KLHL3: variants seen among roughly 807,000 people sequenced by gnomAD.
The protein encoded by KLHL3 is kelch-like protein 3.
In KLHL3, 19 loss-of-function variants were observed where a neutral mutation model predicts 70.5. The ratio of observed to expected loss-of-function variants is 0.27; its 90% CI spans 0.19 to 0.40. KLHL3 has a LOEUF of 0.40. Ranked by LOEUF, KLHL3 falls within the 10% of genes least tolerant of loss-of-function variation. KLHL3 has a pLI of 1.00. For synonymous variants in KLHL3, 258 were observed against 290.3 expected (o/e 0.89, Z 1.13); for missense variants, 512 against 771.1 (o/e 0.66, Z 3.98).
chr5:137,687,028 T>G (rs1434264284), intron 5 of KLHL3, among the ~76,000 whole-genome samples: 67 of 63,724 alleles, frequency 1.1e-3, no homozygotes, highest in Non-Finnish European at 1.2e-3. Context: ...GGTGGGGGGG[T>G]CAGCCCCCCG....
Position 137,621,220 on chromosome 5 carries a change from G to GT in KLHL3, c.*877dup, listed in dbSNP as rs978561937. On this transcript the variant is annotated 3_prime_UTR_variant, in exon 15 of 15. Coordinates refer to ENST00000309755, the MANE Select transcript of KLHL3 (RefSeq NM_017415.3). Reference sequence around the variant, plus strand: ...TGAATCCTTACCACTTTGGTTTTTTGTTTTTTTCCTGTTTTTGTTTTGTTT... The same window carrying GT: ...TGAATCCTTACCACTTTGGTTTTTTGTTTTTTTTCCTGTTTTTGTTTTGTTT... The GT allele has an allele frequency of 6.5e-4, 100 of 152,778 alleles. 1 individual carries two copies. Among genetic ancestry groups the GT allele is most frequent in the Non-Finnish European group, 1.8e-4 (12 of 68,136 alleles). The allele number at this position is 152,778 out of a possible 1,614,324, so 9.5% of individuals were successfully genotyped here.
chr5:137,709,936 C>G, intron 2 of KLHL3, 80 bp from the exon 3 acceptor site: 1 of 1,127,892 alleles, frequency 8.9e-7, no homozygotes, highest in South Asian at 1.2e-5. Context: ...TTTTTTCTCC[C>G]ACCCAGATTT....
intron 8 of KLHL3, among the ~76,000 whole-genome samples, chr5:137,653,244 C>G (rs1205040411): frequency 1.3e-5 from 2 of 150,920 alleles, no homozygotes; most frequent in Non-Finnish European, 3.0e-5. Context: ...AGTAAGACTC[C>G]GTCTCAAAAA....
At chr5:137,631,829 G>A (rs940236992) in intron 12 of KLHL3, among the ~76,000 whole-genome samples, 5 of 152,260 alleles carry the variant, frequency 3.3e-5, no homozygotes, top group East Asian at 1.9e-4. Context: ...GAGGAGGAGC[G>A]TATTATCTCA....
At chr5:137,719,945 G>A (rs1473536139) in intron 2 of KLHL3, among the ~76,000 whole-genome samples, 1 of 152,128 alleles carries the variant, frequency 6.6e-6, no homozygotes, top group African/African-American at 2.4e-5. Context: ...AATGATAGGT[G>A]TTAAATACAT....
Position 137,622,003 on chromosome 5 carries a change from C to T in KLHL3, c.*95G>A. 2.9e-6 allele frequency: 4 copies of T among 1,358,618 alleles called. No homozygotes were observed. Among genetic ancestry groups the T allele is most frequent in the Non-Finnish European group, 4.2e-6 (4 of 947,668 alleles). 84.2% of individuals were successfully genotyped at this position (1,358,618 alleles called of 1,614,324 possible). On this transcript the variant is annotated 3_prime_UTR_variant, in exon 15 of 15. Transcript: ENST00000309755. ...CGGTTCTCACAGCAGCACAGACCCT[C>T]CCAAGCAAGTTGAATCCAGTCACCA...
At chr5:137,734,655 T>C (rs137892958) in intron 1 of KLHL3, among the ~76,000 whole-genome samples, 1,890 of 152,320 alleles carry the variant, frequency 0.012, 42 homozygotes, top group African/African-American at 0.043. Context: ...AAACTGGCAA[T>C]CTGGAGCAGC....
At chr5:137,651,282 C>T (rs547918196) in intron 8 of KLHL3, among the ~76,000 whole-genome samples, 1 of 152,314 alleles carries the variant, frequency 6.6e-6, no homozygotes, top group South Asian at 2.1e-4. Flanking sequence ...GCCCTAAATG[C>T]CTGCCTGAGG....
chr5:137,734,284 C>T (rs112022195), intron 1 of KLHL3, among the ~76,000 whole-genome samples: 8 of 152,180 alleles, frequency 5.3e-5, no homozygotes, highest in African/African-American at 1.4e-4. Context: ...CTCACCTCTG[C>T]CCCACACTTA....
chr5:137,722,585 C>A (rs1010988865), intron 1 of KLHL3, among the ~76,000 whole-genome samples: 1 of 152,122 alleles, frequency 6.6e-6, no homozygotes, highest in African/African-American at 2.4e-5. Flanking sequence ...TGGTGTCTTT[C>A]TTTACTATAA....
At chr5:137,706,835 A>G (rs1229896800) in intron 3 of KLHL3, among the ~76,000 whole-genome samples, 2 of 152,246 alleles carry the variant, frequency 1.3e-5, no homozygotes, top group Non-Finnish European at 2.9e-5. Flanking sequence ...CATGCTAGGC[A>G]GCAGGGACAT....
At chr5:137,731,687 C>T (rs574132568) in intron 1 of KLHL3, among the ~76,000 whole-genome samples, 1 of 152,000 alleles carries the variant, frequency 6.6e-6, no homozygotes, top group African/African-American at 2.4e-5. Context: ...TACATGGTGC[C>T]CCTCTCAAGC....
intron 6 of KLHL3, among the ~76,000 whole-genome samples, chr5:137,673,473 T>C (rs932313846): frequency 3.9e-5 from 6 of 152,120 alleles, no homozygotes; most frequent in Non-Finnish European, 7.4e-5. Flanking sequence ...TTTGTGTGAC[T>C]CCCATCACAT....
At chr5:137,691,610 G>A (rs1342991735) in intron 5 of KLHL3, among the ~76,000 whole-genome samples, 2 of 89,792 alleles carry the variant, frequency 2.2e-5, no homozygotes, top group Admixed American at 2.5e-4. Flanking sequence ...GCAATAGTAC[G>A]TGACTTTTTT....
At position 137,639,067 on chromosome 5, in the gene KLHL3, C is replaced by T. The variant is rs748373118; in HGVS notation, c.1105G>A (p.Gly369Ser). The T allele has an allele frequency of 1.8e-5, 29 of 1,614,002 alleles. No homozygotes were observed. Among genetic ancestry groups the T allele is most frequent in the Admixed American group, 1.7e-4 (10 of 60,008 alleles). Residue 369 changes from glycine (G) to serine (S), a missense_variant, in exon 10 of 15, where the codon GGC becomes AGC. Gly to Ser is a moderately conservative substitution (Grantham distance 56). Transcript: ENST00000309755. The surrounding 1 kb of genome is among the most constrained non-coding windows in gnomAD (Gnocchi z 5.0). ...ATGGACGTCCACTGGTCCTTCACGC[C>T]GTCATACACATCCACTGTCCGCACC... ...LRVRTVDVYDGVKDQWTSIAS... is the reference protein window; with the variant it reads ...LRVRTVDVYDSVKDQWTSIAS...
Position 137,638,233 on chromosome 5 carries a change from G to A in KLHL3, c.1219+720C>T, listed in dbSNP as rs553458161. Among the ~76,000 whole-genome samples, 8 of 152,324 alleles carry A rather than the reference G, an allele frequency of 5.3e-5. No individual in the cohort carries two copies. The South Asian group carries it at 6.2e-4, about 12-fold the overall frequency. On this transcript the variant is annotated intron_variant, in intron 10 of 14. Transcript: ENST00000309755. ...AAAGACCCTGGAATTATATGAGTGA[G>A]GCAAAGAGAAGGCTGAGAAAGGTCC...
chr5:137,681,223 T>A (rs750632777), intron 5 of KLHL3, among the ~76,000 whole-genome samples: 4 of 152,114 alleles, frequency 2.6e-5, no homozygotes, highest in Admixed American at 2.6e-4. Flanking sequence ...AATAAAGAAA[T>A]AGATGTGACT....
chr5:137,682,550 C>T (rs1287781981), intron 5 of KLHL3, among the ~76,000 whole-genome samples: 1 of 152,148 alleles, frequency 6.6e-6, no homozygotes. Flanking sequence ...GTTCAAATCT[C>T]AGACCTAACC....
intron 1 of KLHL3, among the ~76,000 whole-genome samples, chr5:137,728,731 T>C (rs1753124219): frequency 6.6e-6 from 1 of 152,034 alleles, no homozygotes; most frequent in Non-Finnish European, 1.5e-5. Context: ...AGGCTGATTG[T>C]GCAGCAATGT....
Sources: gnomAD v4.1 joint callset for allele counts (sites outside exome capture counted in the v4.1 genomes callset) on GRCh38, gnomAD v4.1.1 for gene constraint, Gnocchi (gnomAD v3.1) non-coding constraint, MANE v1.5 for transcripts, NCBI Gene and HGNC (gene_info 2026-07-23, HGNC 2026-07-21) for gene names.